The following SCARF2 variants were observed in gnomAD, a reference collection of about 807,000 sequenced individuals.
SCARF2 encodes the protein scavenger receptor expressed by endothelial cells 2 protein.
SCARF2 carries 39 observed loss-of-function variants against 73.4 expected under a neutral mutation model. The ratio of observed to expected loss-of-function variants is 0.53; its 90% CI spans 0.41 to 0.69. The LOEUF (loss-of-function observed/expected upper bound fraction) is 0.69. Ranked by LOEUF, SCARF2 falls within the 30% of genes least tolerant of loss-of-function variation. SCARF2 has a pLI of 0.00. For missense variants in SCARF2, 1,148 were observed against 1,303.5 expected (o/e 0.88, Z 1.84); for synonymous variants, 605 against 590.0 (o/e 1.03, Z -0.37).
rs758025176 is a variant in SCARF2 at position 20,429,849 on chromosome 22, G to A, written c.1203-16C>T. The A allele has an allele frequency of 1.2e-6, 2 of 1,611,080 alleles. No individual in the cohort carries two copies. The highest frequency in any genetic ancestry group is 1.7e-5 in the Admixed American group (1 of 59,948). On this transcript the variant is annotated splice_polypyrimidine_tract_variant and intron_variant, in intron 6 of 10. Coordinates refer to ENST00000622235, the MANE Select transcript of SCARF2 (RefSeq NM_182895.5). The surrounding 1 kb of genome is among the most constrained non-coding windows in gnomAD (Gnocchi z 5.2). ...CACGTTACAGCTGCCGGGACATAGG[G>A]TCAAGGCATGCCACAGCCGCCCCCC...
chr22:20,427,280 T>C lies in SCARF2; in HGVS notation c.1693+118A>G, dbSNP rs1391019880. ...TGTGGGCAACCCTCAGGTACCAGCA[T>C]GGCCAAGGCCTTCCTCTCCATGCTG... On this transcript the variant is annotated intron_variant, in intron 10 of 10. Transcript: ENST00000622235. The C allele has an allele frequency of 1.3e-5, 17 of 1,281,210 alleles. No individual in the cohort carries two copies. In the East Asian group the frequency reaches 3.4e-4, roughly 26 times the overall value. 79.4% of individuals were successfully genotyped at this position (1,281,210 alleles called of 1,614,324 possible). A position where few individuals can be genotyped will look rare whatever the true frequency, so the allele number is the denominator to read the frequency against.
At position 20,429,131 on chromosome 22, in the gene SCARF2, C is replaced by A; in HGVS notation, c.1540+94G>T. The A allele has an allele frequency of 6.6e-7, 1 of 1,523,808 alleles. No homozygotes were observed. The highest frequency in any genetic ancestry group is 9.1e-7 in the Non-Finnish European group (1 of 1,100,704). 94.4% of individuals were successfully genotyped at this position (1,523,808 alleles called of 1,614,324 possible). A position where few individuals can be genotyped will look rare whatever the true frequency, so the allele number is the denominator to read the frequency against. On this transcript the variant is annotated intron_variant, in intron 9 of 10. Coordinates refer to ENST00000622235, the MANE Select transcript of SCARF2 (RefSeq NM_182895.5). This position sits in a 1 kb window ranked among gnomAD's most constrained non-coding sequence, Gnocchi z 5.2. ...CATCAACACTCAAGGTCCCCCATTTCCTCACTGAGATCTGGACCCCCTCAC... is the reference window on the plus strand; with the variant it reads ...CATCAACACTCAAGGTCCCCCATTTACTCACTGAGATCTGGACCCCCTCAC...
intron 1 of SCARF2, 23 bp downstream of exon 1, chr22:20,437,558 TC>T (rs1254412548): frequency 1.9e-6 from 3 of 1,558,620 alleles, no homozygotes; most frequent in Admixed American, 1.8e-5. Flanking sequence ...TCTCGCCCCC[TC>T]CCCCAGCCAG....
At position 20,428,605 on chromosome 22, in the gene SCARF2, G is replaced by C. The variant is rs182900650; in HGVS notation, c.1540+620C>G. On this transcript the variant is annotated intron_variant, in intron 9 of 10. Coordinates refer to ENST00000622235, the MANE Select transcript of SCARF2 (RefSeq NM_182895.5). ...AGGCATGAGCCACCATGCCCGGCTT[G>C]GCTAAGGGGTTTTCTCAGCTGTTTC... is the stretch of plus-strand genomic sequence containing the variant. Among the ~76,000 whole-genome samples, 256 of 152,240 alleles carry C rather than the reference G, an allele frequency of 1.7e-3. 1 individual carries two copies. The highest frequency in any genetic ancestry group is 6.0e-3 in the African/African-American group (248 of 41,540).
In SCARF2 at chr22:20,427,488, C is replaced by CCAG. The variant is rs768242944; in HGVS notation, c.1600_1602dup (p.Leu534dup). Reference sequence around the variant, plus strand: ...GAGGACCAGGATGGTGAGGGCTGCTCCAGCCCTGAGGGTGGCTCCAGGAAG... The same window carrying CCAG: ...GAGGACCAGGATGGTGAGGGCTGCTCCAGCAGCCCTGAGGGTGGCTCCAGGAAG... On this transcript the variant is annotated inframe_insertion, in exon 10 of 11. Transcript: ENST00000622235. 6 of 1,614,008 alleles carry CCAG rather than the reference C, an allele frequency of 3.7e-6. No individual in the cohort carries two copies. The highest frequency in any genetic ancestry group is 5.1e-6 in the Non-Finnish European group (6 of 1,179,980).
chr22:20,429,256 C>CG lies in SCARF2; in HGVS notation c.1508dup (p.Leu504AlafsTer18), dbSNP rs747657190. 5.6e-6 allele frequency: 9 copies of CG among 1,612,438 alleles called. No individual in the cohort carries two copies. The Admixed American group carries it at 1.0e-4, about 18-fold the overall frequency. On this transcript the variant is annotated frameshift_variant, in exon 9 of 11. Coordinates refer to ENST00000622235, the MANE Select transcript of SCARF2 (RefSeq NM_182895.5). LOFTEE classifies it high-confidence loss of function. The surrounding 1 kb of genome is among the most constrained non-coding windows in gnomAD (Gnocchi z 5.2). ...CTTTGGGTAGTTTCTGCCTCCGGAG[C>CG]GGGATCCGGGGCAGCTTCATGCTGA...
At chr22:20,433,158 C>A (rs981621994) in intron 1 of SCARF2, among the ~76,000 whole-genome samples, 1 of 152,132 alleles carries the variant, frequency 6.6e-6, no homozygotes, top group African/African-American at 2.4e-5. Context: ...GGAGGCCCTG[C>A]CTGAGTGAAG....
In SCARF2 at chr22:20,425,394, G is replaced by A. The variant is rs778156893; in HGVS notation, c.2582C>T (p.Ala861Val). The stretch of plus-strand genomic sequence containing the variant: ...AGCCTGCTACAGGGTGGGTGCGCCC[G>A]CCCTGCCCAGCTCGCCCGCCGCCTC... ...SREAAGELGR[A>V]GAPTL Residue 861 changes from alanine to valine, a missense_variant, in exon 11 of 11, where the codon GCG (alanine) becomes GTG (valine). Ala to Val is a moderately conservative substitution (Grantham distance 64). Around this residue, in one of 5 missense-constraint regions of SCARF2, gnomAD observed 169 missense variants for 136.9 expected, o/e 1.23. Coordinates refer to ENST00000622235, the MANE Select transcript of SCARF2 (RefSeq NM_182895.5). The surrounding 1 kb of genome is among the most constrained non-coding windows in gnomAD (Gnocchi z 4.6). The A allele has an allele frequency of 1.4e-6, 2 of 1,426,182 alleles. No individual in the cohort carries two copies. The highest frequency in any genetic ancestry group is 2.5e-5 in the Admixed American group (1 of 40,616). The allele number at this position is 1,426,182 out of a possible 1,614,324, so 88.3% of individuals were successfully genotyped here.
At position 20,430,411 on chromosome 22, in the gene SCARF2, C is replaced by T. The variant is rs371080622; in HGVS notation, c.1202+18G>A. The T allele has an allele frequency of 4.5e-4, 710 of 1,582,476 alleles. No individual in the cohort carries two copies. The highest frequency in any genetic ancestry group is 5.7e-4 in the Non-Finnish European group (661 of 1,164,748). On this transcript the variant is annotated intron_variant, in intron 6 of 10. Transcript: ENST00000622235. ...CAGGTACAAGCCCCCAACCCCCTCC[C>T]GGTCCCGGGGCACTCACTGGGGCCC...
chr22:20,428,928 G>A (rs2052610061), intron 9 of SCARF2, among the ~76,000 whole-genome samples: 1 of 152,128 alleles, frequency 6.6e-6, no homozygotes, highest in African/African-American at 2.4e-5. Context: ...GACTGGGGGA[G>A]CCTGCGGGAC....
At position 20,429,660 on chromosome 22, in the gene SCARF2, G is replaced by C. The variant is rs758312309; in HGVS notation, c.1307-7C>G. On this transcript the variant is annotated splice_polypyrimidine_tract_variant and splice_region_variant and intron_variant, in intron 7 of 10. Transcript: ENST00000622235. This position sits in a 1 kb window ranked among gnomAD's most constrained non-coding sequence, Gnocchi z 5.2. ...CCCTTGCGCTGGTTGGTTTCTGTAGGGGGTTATGGGGTCAGCGCGGTTTCT... is the reference window on the plus strand; with the variant it reads ...CCCTTGCGCTGGTTGGTTTCTGTAGCGGGTTATGGGGTCAGCGCGGTTTCT... 3.7e-6 allele frequency: 6 copies of C among 1,613,896 alleles called. No homozygotes were observed. The African/African-American group carries it at 4.0e-5, about 11-fold the overall frequency.
chr22:20,429,431 G>A lies in SCARF2; in HGVS notation c.1425-91C>T. ...GCCGGAGCCAAGCACAGAAGGGGCG[G>A]GGCCACGTCCGGGGCAGGGGCGCGG... On this transcript the variant is annotated intron_variant, in intron 8 of 10. Transcript: ENST00000622235. This position sits in a 1 kb window ranked among gnomAD's most constrained non-coding sequence, Gnocchi z 5.2. The A allele has an allele frequency of 6.4e-7, 1 of 1,561,568 alleles. No homozygotes were observed. Among genetic ancestry groups the A allele is most frequent in the Non-Finnish European group, 8.7e-7 (1 of 1,155,106 alleles).
chr22:20,427,953 G>A lies in SCARF2; in HGVS notation c.1541-403C>T, dbSNP rs531392972. Reference sequence around the variant, plus strand: ...TAAGGAAGCCTTGGAGCACTTCTGAGCCCAAATGCGCAGTGGCAGGGCTGC... The same window carrying A: ...TAAGGAAGCCTTGGAGCACTTCTGAACCCAAATGCGCAGTGGCAGGGCTGC... On this transcript the variant is annotated intron_variant, in intron 9 of 10. Coordinates refer to ENST00000622235, the MANE Select transcript of SCARF2 (RefSeq NM_182895.5). Among the ~76,000 whole-genome samples the A allele has an allele frequency of 2.6e-5, 4 of 152,314 alleles. No homozygotes were observed. The East Asian group carries it at 7.7e-4, about 29-fold the overall frequency.
chr22:20,425,483 C>T lies in SCARF2; in HGVS notation c.2493G>A (p.Leu831=). 1.5e-6 allele frequency: 2 copies of T among 1,372,316 alleles called. No homozygotes were observed. Among genetic ancestry groups the T allele is most frequent in the East Asian group, 2.8e-5 (1 of 35,526 alleles). The allele number at this position is 1,372,316 out of a possible 1,614,324, so 85.0% of individuals were successfully genotyped here. ...TCTTCCGGGGGGTCTCAGGCGCGGG[C>T]AAGTCGGTCGCCGCCTTCTCAGGCC... ...TPGPEKAATD[L]PAPETPRKKT... Residue 831 remains leucine (L), a synonymous_variant, in exon 11 of 11, where the codon TTG becomes TTA. Coordinates refer to ENST00000622235, the MANE Select transcript of SCARF2 (RefSeq NM_182895.5). This position sits in a 1 kb window ranked among gnomAD's most constrained non-coding sequence, Gnocchi z 4.6.
At position 20,427,549 on chromosome 22, in the gene SCARF2, C is replaced by T; in HGVS notation, c.1542G>A (p.Val514=). Residue 514 remains valine (V), a splice_region_variant and synonymous_variant, in exon 10 of 11, where the codon GTG becomes GTA. Transcript: ENST00000622235. ...GTGTGTTATCCAGGTCGTGGTGGGC[C>T]ACTGGGGAAGGATGAGGCAGAGCTG... ...LRRQKLPKVV[V]AHHDLDNTLN... 6.2e-7 allele frequency: 1 copy of T among 1,612,996 alleles called. No individual in the cohort carries two copies.
At chr22:20,432,393 A>G (rs2052659419) in intron 1 of SCARF2, among the ~76,000 whole-genome samples, 2 of 152,248 alleles carry the variant, frequency 1.3e-5, no homozygotes, top group Admixed American at 6.5e-5. Flanking sequence ...AATGGGTGTC[A>G]TGGATCCAGA....
In SCARF2 at chr22:20,425,478, G is replaced by C. The variant is rs874101; in HGVS notation, c.2498C>G (p.Ala833Gly). 835,748 of 1,386,482 alleles carry C rather than the reference G, an allele frequency of 0.6. 254,848 individuals carry two copies. The highest frequency in any genetic ancestry group is 0.62 in the Non-Finnish European group (661,723 of 1,070,078). The allele number at this position is 1,386,482 out of a possible 1,614,324, so 85.9% of individuals were successfully genotyped here. A position where few individuals can be genotyped will look rare whatever the true frequency, so the allele number is the denominator to read the frequency against. The change falls in exon 11 of 11, where the codon GCG becomes GGG. Residue 833 changes from alanine to glycine, a missense_variant. By Grantham distance (60) the Ala-to-Gly change is moderately conservative (BLOSUM62 0). This residue lies in a region of SCARF2 where 169 missense variants were observed against 136.9 expected (regional missense o/e 1.23). Coordinates refer to ENST00000622235, the MANE Select transcript of SCARF2 (RefSeq NM_182895.5). This position sits in a 1 kb window ranked among gnomAD's most constrained non-coding sequence, Gnocchi z 4.6. ...GGTCTTCTTCCGGGGGGTCTCAGGCGCGGGCAAGTCGGTCGCCGCCTTCTC... is the reference window on the plus strand; with the variant it reads ...GGTCTTCTTCCGGGGGGTCTCAGGCCCGGGCAAGTCGGTCGCCGCCTTCTC... Reference protein sequence around the residue: ...GPEKAATDLPAPETPRKKTPI... With the variant: ...GPEKAATDLPGPETPRKKTPI...
Position 20,431,811 on chromosome 22 carries a change from C to G in SCARF2, c.268G>C (p.Glu90Gln), listed in dbSNP as rs1388719316. The change falls in exon 3 of 11, where the codon GAG (glutamate) becomes CAG (glutamine). Residue 90 changes from glutamate (E) to glutamine (Q), a missense_variant. Around this residue, in one of 5 missense-constraint regions of SCARF2, gnomAD observed 372 missense variants for 532.0 expected, o/e 0.70. Transcript: ENST00000622235. ...CEGNSTCSEN[E>Q]VCVRPGECRC... Reference sequence around the variant, plus strand: ...CACTCGCCAGGCCTCACGCACACCTCGTTCTCTGAGCACGTGGAGTTGCCT... The same window carrying G: ...CACTCGCCAGGCCTCACGCACACCTGGTTCTCTGAGCACGTGGAGTTGCCT... 6.3e-6 allele frequency: 10 copies of G among 1,598,450 alleles called. No homozygotes were observed. The highest frequency in any genetic ancestry group is 8.5e-6 in the Non-Finnish European group (10 of 1,173,776).
chr22:20,431,730 C>T lies in SCARF2; in HGVS notation c.334+15G>A. 6 of 1,558,654 alleles carry T rather than the reference C, an allele frequency of 3.8e-6. No homozygotes were observed. Among genetic ancestry groups the T allele is most frequent in the South Asian group, 1.2e-5 (1 of 84,800 alleles). On this transcript the variant is annotated intron_variant, in intron 3 of 10. Transcript: ENST00000622235. ...TCCGCCCCACCGACCAATACCGGCC[C>T]GACCCCACGCTCACTGGTGTCGCAG...
Sources: allele counts gnomAD v4.1 joint callset (sites outside exome capture counted in the v4.1 genomes callset), GRCh38; gene constraint gnomAD v4.1.1; regional missense constraint gnomAD v4.1.1; non-coding constraint Gnocchi (gnomAD v3.1); transcripts MANE v1.5; gene names NCBI Gene and HGNC (gene_info 2026-07-23, HGNC 2026-07-21).